Variants in POLK observed in about 807,000 individuals in gnomAD.
POLK encodes DNA polymerase kappa.
In POLK, 76 loss-of-function variants were observed where a neutral mutation model predicts 94.0. The ratio of observed to expected loss-of-function variants is 0.81; its 90% CI spans 0.67 to 0.98. The LOEUF (loss-of-function observed/expected upper bound fraction) is 0.98. Among genes scored for constraint, POLK ranks in the 50% least tolerant of loss-of-function variants. The pLI is 0.00. For missense variants in POLK, 954 were observed against 1,010.1 expected (o/e 0.94, Z 0.75); for synonymous variants, 349 against 325.4 (o/e 1.07, Z -0.78).
At chr5:75,591,290 A>G (rs1772769099) in intron 11 of POLK, among the ~76,000 whole-genome samples, 2 of 152,210 alleles carry the variant, frequency 1.3e-5, no homozygotes, top group African/African-American at 2.4e-5. Context: ...CATATAATGC[A>G]TCAGTAAAAC....
exon 15 of POLK, chr5:75,598,226 C>T: frequency 3.4e-6 from 1 of 293,830 alleles, no homozygotes; most frequent in Non-Finnish European, 6.3e-6. Context: ...CATTATACAT[C>T]AATTGGAAAT....
chr5:75,554,100 A>G (rs992590359), intron 3 of POLK, among the ~76,000 whole-genome samples: 2 of 152,218 alleles, frequency 1.3e-5, no homozygotes, highest in Non-Finnish European at 2.9e-5. Flanking sequence ...GTGAAAAAGA[A>G]GTTGCACACA....
intron 1 of POLK, among the ~76,000 whole-genome samples, chr5:75,529,218 A>G (rs934850335): frequency 6.6e-6 from 1 of 152,172 alleles, no homozygotes; most frequent in Non-Finnish European, 1.5e-5. Context: ...ATCATGGTAG[A>G]AGGCAAAGGG....
intron 1 of POLK, among the ~76,000 whole-genome samples, chr5:75,541,327 A>G (rs1295030256): frequency 6.6e-6 from 1 of 151,816 alleles, no homozygotes; most frequent in Non-Finnish European, 1.5e-5. Context: ...AAAAACAAAA[A>G]CTTGGGGCTT....
At chr5:75,518,189 T>C (rs1356234542) in intron 1 of POLK, among the ~76,000 whole-genome samples, 1 of 152,174 alleles carries the variant, frequency 6.6e-6, no homozygotes, top group Non-Finnish European at 1.5e-5. Flanking sequence ...TGTTTTGTTT[T>C]GGAAGAGTTT....
rs1422943505 is a variant in POLK, at chr5:75,597,091, G to A, written c.2398G>A (p.Val800Ile). Reference sequence around the variant, plus strand: ...AACCCTGTTCAATGTGCATGTGGATGTTTGCTTAAATAAAAGTTTTATCCA... The same window carrying A: ...AACCCTGTTCAATGTGCATGTGGATATTTGCTTAAATAAAAGTTTTATCCA... The change falls in exon 13 of 15, where the codon GTT (valine) becomes ATT (isoleucine). Residue 800 changes from valine to isoleucine, a missense_variant. By Grantham distance (29) the Val-to-Ile change is conservative. Coordinates refer to ENST00000241436, the Ensembl canonical transcript of POLK. The A allele has an allele frequency of 5.0e-6, 8 of 1,613,080 alleles. No homozygotes were observed. The African/African-American group carries it at 6.7e-5, about 13-fold the overall frequency.
chr5:75,594,741 G>T (rs532512988), intron 12 of POLK, among the ~76,000 whole-genome samples: 1 of 152,092 alleles, frequency 6.6e-6, no homozygotes, highest in East Asian at 1.9e-4. Context: ...TTGGATTTTG[G>T]AATTACAGAT....
intron 1 of POLK, among the ~76,000 whole-genome samples, chr5:75,539,486 A>T (rs572865557): frequency 6.6e-6 from 1 of 152,260 alleles, no homozygotes; most frequent in Admixed American, 6.5e-5. Flanking sequence ...GTTCACACAA[A>T]TATTTCTTTT....
chr5:75,523,530 C>T (rs1041476074), intron 1 of POLK, among the ~76,000 whole-genome samples: 3 of 152,166 alleles, frequency 2.0e-5, no homozygotes, highest in African/African-American at 7.2e-5. Flanking sequence ...GATACAAAGG[C>T]TTTCTGCAAA....
chr5:75,582,016 T>C (rs916575744), intron 7 of POLK: 2 of 985,604 alleles, frequency 2.0e-6, no homozygotes, highest in African/African-American at 3.5e-5. Flanking sequence ...TAGCACAAAA[T>C]ATATTTTTAT....
At chr5:75,598,481 G>A (rs533005207) in exon 15 of POLK, 2 of 152,694 alleles carry the variant, frequency 1.3e-5, no homozygotes, top group African/African-American at 4.8e-5. Context: ...GAGTATTAAT[G>A]TAACTAGCAT....
At chr5:75,523,597 CCAAACTGTTT>C (rs1330759185) in intron 1 of POLK, among the ~76,000 whole-genome samples, 1 of 152,104 alleles carries the variant, frequency 6.6e-6, no homozygotes, top group Non-Finnish European at 1.5e-5. Flanking sequence ...GAATGAGAAC[CCAAACTGTTT>C]TGTGATTAAG....
At chr5:75,594,142 A>C in intron 12 of POLK, 93 bp downstream of exon 12, 5 of 765,566 alleles carry the variant, frequency 6.5e-6, no homozygotes, top group Non-Finnish European at 8.6e-6. Flanking sequence ...CAACTTAACA[A>C]TGGTTCAACT....
chr5:75,528,552 C>T (rs199702829), intron 1 of POLK, among the ~76,000 whole-genome samples: 1 of 151,658 alleles, frequency 6.6e-6, no homozygotes, highest in Non-Finnish European at 1.5e-5. Flanking sequence ...TGGCTCATGT[C>T]TATAATTCCA....
chr5:75,517,564 A>C (rs574895238), intron 1 of POLK, among the ~76,000 whole-genome samples: 6 of 152,326 alleles, frequency 3.9e-5, no homozygotes, highest in African/African-American at 1.2e-4. Context: ...GGTTTTGTAA[A>C]TATAAGATTA....
At chr5:75,567,790 A>G (rs918845238) in intron 3 of POLK, among the ~76,000 whole-genome samples, 2 of 152,226 alleles carry the variant, frequency 1.3e-5, no homozygotes, top group African/African-American at 4.8e-5. Flanking sequence ...GGCTTGTGAC[A>G]GAGCTTGGAA....
upstream of POLK, among the ~76,000 whole-genome samples, chr5:75,510,781 G>A (rs568686161): frequency 3.9e-5 from 6 of 152,262 alleles, no homozygotes; most frequent in South Asian, 1.2e-3. Flanking sequence ...CCCATGCCCA[G>A]TCGTTCGGAC....
At chr5:75,551,884 G>T (rs1294723288) in intron 2 of POLK, among the ~76,000 whole-genome samples, 2 of 152,158 alleles carry the variant, frequency 1.3e-5, no homozygotes, top group Non-Finnish European at 2.9e-5. Flanking sequence ...TGAGAGAAAT[G>T]ACAACATATG....
At chr5:75,564,549 A>G (rs1024955706) in intron 3 of POLK, among the ~76,000 whole-genome samples, 1 of 152,110 alleles carries the variant, frequency 6.6e-6, no homozygotes, top group Non-Finnish European at 1.5e-5. Flanking sequence ...TTCCATATTC[A>G]GTGCTTCCTT....
Sources: allele counts gnomAD v4.1 joint callset (sites outside exome capture counted in the v4.1 genomes callset), GRCh38; gene constraint gnomAD v4.1.1; transcripts MANE v1.5; gene names NCBI Gene and HGNC (gene_info 2026-07-23, HGNC 2026-07-21).